Variants in DECR2 observed in about 807,000 individuals in gnomAD.
DECR2 encodes peroxisomal 2,4-dienoyl-CoA reductase [(3E)-enoyl-CoA-producing].
DECR2 carries 34 observed loss-of-function variants against 29.2 expected under a neutral mutation model. That is an observed-to-expected ratio of 1.16 (90% CI 0.89 to 1.55). The LOEUF is 1.55. DECR2 is among the 40% of genes most tolerant of loss of function. The pLI, the probability that DECR2 is intolerant of heterozygous loss-of-function variation, is 0.00. For missense variants in DECR2, 485 were observed against 425.3 expected (o/e 1.14, Z -1.23); for synonymous variants, 224 against 182.7 (o/e 1.23, Z -1.82).
intron 4 of DECR2, among the ~76,000 whole-genome samples, chr16:407,889 C>T (rs1291380393): frequency 5.8e-5 from 8 of 136,860 alleles, no homozygotes; most frequent in African/African-American, 2.2e-4. Flanking sequence ...CCATCTCCGG[C>T]CCCCTGTCTC....
intron 4 of DECR2, among the ~76,000 whole-genome samples, chr16:408,775 C>G (rs1487052234): frequency 6.6e-6 from 1 of 151,930 alleles, no homozygotes; most frequent in Non-Finnish European, 1.5e-5. Context: ...CCTTGGCCTC[C>G]CAAAATGCTG....
Position 411,413 on chromosome 16 carries a change from G to T in DECR2, c.714G>T (p.Arg238Ser), listed in dbSNP as rs2054817419. 1 of 1,613,006 alleles carries T rather than the reference G, an allele frequency of 6.2e-7. No individual in the cohort carries two copies. Among genetic ancestry groups the T allele is most frequent in the Non-Finnish European group, 8.5e-7 (1 of 1,179,962 alleles). Residue 238 changes from arginine to serine, a missense_variant, in exon 8 of 9, where the codon AGG (arginine) becomes AGT (serine). Transcript: ENST00000219481. ...AGGTCACTGCCAGCCCGCTGCAGAGGCTGGGGAACAAGACCGAGATCGCCC... is the reference window on the plus strand; with the variant it reads ...AGGTCACTGCCAGCCCGCTGCAGAGTCTGGGGAACAAGACCGAGATCGCCC... ...STKVTASPLQ[R>S]LGNKTEIAHS...
rs1268710197 is a variant in DECR2, at chr16:402,009, G to A, written c.46G>A (p.Ala16Thr). 2 of 1,489,234 alleles carry A rather than the reference G, an allele frequency of 1.3e-6. No homozygotes were observed. The highest frequency in any genetic ancestry group is 1.4e-5 in the African/African-American group (1 of 69,314). The allele number at this position is 1,489,234 out of a possible 1,614,324, so 92.3% of individuals were successfully genotyped here. ...PDVEGDDCLP[A>T]YRHLFCPDLL... ...CGTGGAGGGGGACGACTGTCTCCCC[G>A]CGTACCGCCACCTCTTCTGCCCGGA... is the stretch of plus-strand genomic sequence containing the variant. The change falls in exon 1 of 9, where the codon GCG becomes ACG. Residue 16 changes from alanine (A) to threonine (T), a missense_variant. By Grantham distance (58) the Ala-to-Thr change is moderately conservative. Transcript: ENST00000219481.
intron 4 of DECR2, 136 bp downstream of exon 4, chr16:407,696 C>A: frequency 7.2e-7 from 1 of 1,398,184 alleles, no homozygotes; most frequent in Non-Finnish European, 9.6e-7. Flanking sequence ...TGCACCCCAT[C>A]CAGGTACCTG....
At chr16:409,191 TGA>T (rs1397708302) in intron 4 of DECR2, among the ~76,000 whole-genome samples, 1 of 150,790 alleles carries the variant, frequency 6.6e-6, no homozygotes, top group East Asian at 2.0e-4. Flanking sequence ...TTTTATTTTT[TGA>T]GAGAGTCTTG....
At position 410,476 on chromosome 16, in the gene DECR2, C is replaced by T. The variant is rs894240795; in HGVS notation, c.462+109C>T. 3.3e-5 allele frequency: 51 copies of T among 1,540,648 alleles called. No homozygotes were observed. Among genetic ancestry groups the T allele is most frequent in the South Asian group, 3.0e-4 (25 of 83,088 alleles). On this transcript the variant is annotated intron_variant, in intron 5 of 8. Coordinates refer to ENST00000219481, the MANE Select transcript of DECR2 (RefSeq NM_020664.4). This position sits in a 1 kb window ranked among gnomAD's most constrained non-coding sequence, Gnocchi z 4.1. ...TTGTGCGCTCTGTGAGAAGTTCTTC[C>T]GGGTGGGTGTACTCCCAGCGGGGGC...
chr16:402,219 G>C (rs577043045), intron 1 of DECR2, among the ~76,000 whole-genome samples, 176 bp downstream of exon 1: 3 of 151,004 alleles, frequency 2.0e-5, no homozygotes, highest in East Asian at 3.9e-4. Context: ...GTGTCGCCCA[G>C]GCTGGAGTGC....
chr16:403,554 C>G (rs1395578599), intron 1 of DECR2, among the ~76,000 whole-genome samples: 2 of 152,168 alleles, frequency 1.3e-5, no homozygotes, highest in Non-Finnish European at 2.9e-5. Context: ...ATTATAACCT[C>G]TATCTTGTTT....
Position 410,178 on chromosome 16 carries a change from GCCACCAC to G in DECR2, c.338-60_338-54del. 6.4e-7 allele frequency: 1 copy of G among 1,574,408 alleles called. No homozygotes were observed. Among genetic ancestry groups the G allele is most frequent in the Non-Finnish European group, 8.6e-7 (1 of 1,158,966 alleles). Reference sequence around the variant, plus strand: ...CTGCACCCTCCGCTCTGCCCACCTGGCCACCACCCACTTGGCATCCCTCTCCCCAGGC... The same window carrying G: ...CTGCACCCTCCGCTCTGCCCACCTGGCCACTTGGCATCCCTCTCCCCAGGC... On this transcript the variant is annotated intron_variant, in intron 4 of 8. Transcript: ENST00000219481. This position sits in a 1 kb window ranked among gnomAD's most constrained non-coding sequence, Gnocchi z 4.1.
chr16:405,370 T>A, intron 2 of DECR2: 2 of 541,500 alleles, frequency 3.7e-6, no homozygotes, highest in South Asian at 4.2e-5. Flanking sequence ...CAGCAACTTA[T>A]CCCACCTGAC....
Position 410,517 on chromosome 16 carries a change from G to A in DECR2, c.462+150G>A, listed in dbSNP as rs1022363803. On this transcript the variant is annotated intron_variant, in intron 5 of 8. Coordinates refer to ENST00000219481, the MANE Select transcript of DECR2 (RefSeq NM_020664.4). This position sits in a 1 kb window ranked among gnomAD's most constrained non-coding sequence, Gnocchi z 4.1. ...CAGCGGGGGCCTCCCCCTGACGGCC[G>A]CCCGCTCCCTGCCCTGGGCCTCCCC... 6.6e-5 allele frequency: 90 copies of A among 1,365,132 alleles called. 2 individuals carry two copies. Among genetic ancestry groups the A allele is most frequent in the Admixed American group, 3.0e-4 (15 of 50,788 alleles). The allele number at this position is 1,365,132 out of a possible 1,614,324, so 84.6% of individuals were successfully genotyped here. A position where few individuals can be genotyped will look rare whatever the true frequency, so the allele number is the denominator to read the frequency against.
At chr16:402,183 T>TA (rs1168681771) in intron 1 of DECR2, 140 bp downstream of exon 1, 4 of 699,078 alleles carry the variant, frequency 5.7e-6, no homozygotes, top group Non-Finnish European at 8.2e-6. Context: ...TTCTTTCTTT[T>TA]TTTTTTTTTG....
At chr16:409,458 C>T (rs1393071173) in intron 4 of DECR2, 1 of 151,776 alleles carries the variant, frequency 6.6e-6, no homozygotes, top group Non-Finnish European at 1.5e-5. Context: ...GCGTGAGCCA[C>T]CACGCCTGGC....
In DECR2 at chr16:410,615, G is replaced by A. The variant is rs1390630232; in HGVS notation, c.463-76G>A. 2.8e-6 allele frequency: 4 copies of A among 1,443,488 alleles called. No homozygotes were observed. The African/African-American group carries it at 4.2e-5, about 15-fold the overall frequency. The allele number at this position is 1,443,488 out of a possible 1,614,324, so 89.4% of individuals were successfully genotyped here. ...CGCTCCCTGCCCCGGGCCTCCCCCT[G>A]ACAGCCACCCGCTCACTGTCCTGTG... On this transcript the variant is annotated intron_variant, in intron 5 of 8. Transcript: ENST00000219481. This position sits in a 1 kb window ranked among gnomAD's most constrained non-coding sequence, Gnocchi z 4.1.
intron 1 of DECR2, among the ~76,000 whole-genome samples, chr16:403,358 C>T (rs2054689652): frequency 6.6e-6 from 1 of 152,138 alleles, no homozygotes; most frequent in East Asian, 1.9e-4. Context: ...GGAAAGGCAA[C>T]TTGGAGATCA....
intron 4 of DECR2, 167 bp downstream of exon 4, chr16:407,727 G>T: frequency 8.8e-7 from 1 of 1,138,546 alleles, no homozygotes; most frequent in Non-Finnish European, 1.2e-6. Context: ...TCAGGCTCCG[G>T]CCCCCTGTCT....
intron 2 of DECR2, chr16:405,257 C>T (rs2054711615): frequency 1.6e-6 from 1 of 608,270 alleles, no homozygotes. Context: ...TGGTCTGGGG[C>T]CTGCTGGGAC....
Position 406,493 on chromosome 16 carries a change from G to T in DECR2, c.201+96G>T, listed in dbSNP as rs1389317386. 4 of 1,350,734 alleles carry T rather than the reference G, an allele frequency of 3.0e-6. No homozygotes were observed. In the East Asian group the frequency reaches 9.4e-5, roughly 32 times the overall value. The allele number at this position is 1,350,734 out of a possible 1,614,324, so 83.7% of individuals were successfully genotyped here. ...AGAGTCCAGAGGCTATGGGGATGTTGGCACCAAAACTTTTTTTTTCTGAGA... is the reference window on the plus strand; with the variant it reads ...AGAGTCCAGAGGCTATGGGGATGTTTGCACCAAAACTTTTTTTTTCTGAGA... On this transcript the variant is annotated intron_variant, in intron 3 of 8. Coordinates refer to ENST00000219481, the MANE Select transcript of DECR2 (RefSeq NM_020664.4).
chr16:407,607 T>C, intron 4 of DECR2, 47 bp downstream of exon 4: 1 of 1,607,462 alleles, frequency 6.2e-7, no homozygotes, highest in Non-Finnish European at 8.5e-7. Context: ...AGGTTGGTGG[T>C]ACCATTTGGA....
Sources: allele counts gnomAD v4.1 joint callset (sites outside exome capture counted in the v4.1 genomes callset), GRCh38; gene constraint gnomAD v4.1.1; non-coding constraint Gnocchi (gnomAD v3.1); transcripts MANE v1.5; gene names NCBI Gene and HGNC (gene_info 2026-07-23, HGNC 2026-07-21).